Variants in CDH18 observed in about 807,000 individuals in gnomAD.
CDH18 encodes cadherin 18, also known as cadherin-18.
A neutral mutation model predicts 67.9 loss-of-function variants in CDH18; 31 were observed. The observed-to-expected ratio is 0.46, with a 90% CI of 0.34 to 0.62. The LOEUF (loss-of-function observed/expected upper bound fraction) is 0.62. CDH18 is among the 20% of genes least tolerant of loss of function. CDH18 has a pLI of 0.01. For synonymous variants in CDH18, 362 were observed against 347.2 expected, an observed-to-expected ratio of 1.04 and a Z score of -0.48; for missense variants, 890 against 975.5, an observed-to-expected ratio of 0.91 and a Z score of 1.17.
At chr5:19,566,135 CT>C (rs762092804) in intron 8 of CDH18, among the ~76,000 whole-genome samples, 25 of 152,146 alleles carry the variant, frequency 1.6e-4, no homozygotes, top group Admixed American at 3.3e-4. Flanking sequence ...CTTAACATCA[CT>C]GATCATCATA....
At chr5:20,279,714 A>AC (rs1746087367) in intron 1 of CDH18, among the ~76,000 whole-genome samples, 1 of 147,738 alleles carries the variant, frequency 6.8e-6, no homozygotes, top group Non-Finnish European at 1.5e-5. Flanking sequence ...AAAAAAAAAA[A>AC]AAAAAAAAAA....
intron 6 of CDH18, among the ~76,000 whole-genome samples, chr5:19,605,661 G>T (rs1056188127): frequency 6.6e-6 from 1 of 152,100 alleles, no homozygotes; most frequent in African/African-American, 2.4e-5. Flanking sequence ...CTGTTTTAAG[G>T]CATTGAAGGC....
intron 4 of CDH18, among the ~76,000 whole-genome samples, chr5:19,730,363 T>G (rs1767428781): frequency 6.6e-6 from 1 of 152,236 alleles, no homozygotes; most frequent in Admixed American, 6.5e-5. Flanking sequence ...TTGAAAGTAA[T>G]GACTACACAC....
chr5:20,447,963 T>A (rs1750132957), intron 1 of CDH18, among the ~76,000 whole-genome samples: 1 of 152,146 alleles, frequency 6.6e-6, no homozygotes, highest in African/African-American at 2.4e-5. Flanking sequence ...GCAGGTTTGT[T>A]ACATATGTAT....
chr5:20,124,646 A>AT (rs1465772340), intron 2 of CDH18, among the ~76,000 whole-genome samples: 1 of 152,184 alleles, frequency 6.6e-6, no homozygotes, highest in Non-Finnish European at 1.5e-5. Flanking sequence ...TAACAGAAAA[A>AT]TTGAAATTCT....
At chr5:20,042,032 T>C (rs2150474221) in intron 2 of CDH18, among the ~76,000 whole-genome samples, 1 of 152,346 alleles carries the variant, frequency 6.6e-6, no homozygotes, top group East Asian at 1.9e-4. Context: ...GCAGGACACC[T>C]GCATTTACAT....
At chr5:19,964,037 G>A (rs1430735318) in intron 2 of CDH18, among the ~76,000 whole-genome samples, 3 of 151,950 alleles carry the variant, frequency 2.0e-5, no homozygotes, top group Non-Finnish European at 2.9e-5. Context: ...GGGATTACAT[G>A]GGAATTACAA....
intron 2 of CDH18, among the ~76,000 whole-genome samples, chr5:20,121,601 C>T (rs1748358538): frequency 6.6e-6 from 1 of 152,140 alleles, no homozygotes; most frequent in Non-Finnish European, 1.5e-5. Flanking sequence ...CGTTAGCTTG[C>T]AATCAGCAGC....
chr5:20,271,513 T>G (rs1745431296), intron 1 of CDH18, among the ~76,000 whole-genome samples: 1 of 152,112 alleles, frequency 6.6e-6, no homozygotes, highest in South Asian at 2.1e-4. Flanking sequence ...AATCTATATA[T>G]GTATCGAAAC....
chr5:20,273,682 A>G (rs1049760970), intron 1 of CDH18, among the ~76,000 whole-genome samples: 8 of 152,116 alleles, frequency 5.3e-5, no homozygotes, highest in South Asian at 4.1e-4. Context: ...ATACATTGCT[A>G]CTATTTCTTG....
chr5:19,871,877 C>A (rs1561481965), intron 2 of CDH18, among the ~76,000 whole-genome samples: 2 of 152,062 alleles, frequency 1.3e-5, no homozygotes, highest in Non-Finnish European at 2.9e-5. Flanking sequence ...ACTAAGATGT[C>A]CAGTAAGTAT....
intron 1 of CDH18, among the ~76,000 whole-genome samples, chr5:20,325,472 T>C (rs142089509): frequency 6.6e-6 from 1 of 152,232 alleles, no homozygotes; most frequent in Non-Finnish European, 1.5e-5. Context: ...AGAAAATAAA[T>C]AATCAGAGCG....
intron 2 of CDH18, among the ~76,000 whole-genome samples, chr5:19,948,155 G>A (rs1297673663): frequency 6.6e-6 from 1 of 152,252 alleles, no homozygotes; most frequent in South Asian, 2.1e-4. Flanking sequence ...TCATTCATGT[G>A]TTACTGGTAC....
chr5:20,137,677 G>T (rs1348475727), intron 2 of CDH18, among the ~76,000 whole-genome samples: 2 of 151,970 alleles, frequency 1.3e-5, no homozygotes, highest in Non-Finnish European at 2.9e-5. Flanking sequence ...CTGATTTTTG[G>T]AATTTTCAGC....
chr5:20,167,941 T>C (rs2126636535), intron 2 of CDH18, among the ~76,000 whole-genome samples: 1 of 152,278 alleles, frequency 6.6e-6, no homozygotes, highest in Middle Eastern at 3.4e-3. Flanking sequence ...GACAAGAAAG[T>C]AACTTTAAAA....
At chr5:19,917,685 A>G (rs1791980647) in intron 2 of CDH18, among the ~76,000 whole-genome samples, 1 of 152,176 alleles carries the variant, frequency 6.6e-6, no homozygotes, top group Non-Finnish European at 1.5e-5. Flanking sequence ...AATACATATC[A>G]TATTAAGGCA....
At chr5:20,488,858 C>T (rs1384265829) in intron 1 of CDH18, among the ~76,000 whole-genome samples, 1 of 151,874 alleles carries the variant, frequency 6.6e-6, no homozygotes. Flanking sequence ...TAAGTGCCAA[C>T]TATATGCCAA....
intron 3 of CDH18, among the ~76,000 whole-genome samples, chr5:19,748,543 C>T (rs1770431316): frequency 6.6e-6 from 1 of 152,088 alleles, no homozygotes; most frequent in Non-Finnish European, 1.5e-5. Flanking sequence ...TTGTTTCTCC[C>T]TAGAGGTCTG....
intron 2 of CDH18, among the ~76,000 whole-genome samples, chr5:20,144,968 C>T (rs1750527975): frequency 6.6e-6 from 1 of 152,066 alleles, no homozygotes; most frequent in African/African-American, 2.4e-5. Context: ...CTCCAGAAAC[C>T]AGGGGAGAGG....
Sources: allele counts gnomAD v4.1 joint callset (sites outside exome capture counted in the v4.1 genomes callset), GRCh38; gene constraint gnomAD v4.1.1; transcripts MANE v1.5; gene names NCBI Gene and HGNC (gene_info 2026-07-23, HGNC 2026-07-21).